LINGO3: variants seen among roughly 807,000 people sequenced by gnomAD.
LINGO3 encodes leucine-rich repeat and immunoglobulin-like domain-containing nogo receptor-interacting protein 3.
For synonymous variants in LINGO3, 427 were observed against 444.2 expected, an observed-to-expected ratio of 0.96 and a Z score of 0.49; for missense variants, 750 against 867.7, an observed-to-expected ratio of 0.86 and a Z score of 1.70.
At chr19:2,297,450 G>A in the LINGO3 span, among the ~76,000 whole-genome samples, 14 of 151,482 alleles carry the variant, frequency 9.2e-5, no homozygotes, top group Non-Finnish European at 1.8e-4. Flanking sequence ...GACTACAGGT[G>A]CCCGCCACCA....
At chr19:2,297,390 C>T in the LINGO3 span, among the ~76,000 whole-genome samples, 44 of 149,628 alleles carry the variant, frequency 2.9e-4, no homozygotes, top group South Asian at 5.6e-3. Context: ...CTGCAACCTC[C>T]GCCTCCCAGG....
chr19:2,306,490 T>C, the LINGO3 span, among the ~76,000 whole-genome samples: 1 of 152,142 alleles, frequency 6.6e-6, no homozygotes, highest in Non-Finnish European at 1.5e-5. Flanking sequence ...CTGCCTTCTA[T>C]TCCCACTCAG....
chr19:2,290,913 C>A lies in LINGO3; in HGVS notation c.864G>T (p.Gly288=), dbSNP rs2025512845. Residue 288 remains glycine, a synonymous_variant, in exon 1 of 1, where the codon GGG becomes GGT. Coordinates refer to ENST00000585527, the Ensembl canonical transcript of LINGO3. This position sits in a 1 kb window ranked among gnomAD's most constrained non-coding sequence, Gnocchi z 6.0. ...GCAGGCGGACCAGGTCCCGGAACGA[C>A]CCCCGCGGCACCGTGCTGATGGGGT... 6.2e-6 allele frequency: 10 copies of A among 1,611,310 alleles called. No homozygotes were observed. The highest frequency in any genetic ancestry group is 1.3e-5 in the African/African-American group (1 of 74,866).
chr19:2,306,758 T>G, the LINGO3 span, among the ~76,000 whole-genome samples: 1 of 151,936 alleles, frequency 6.6e-6, no homozygotes, highest in African/African-American at 2.4e-5. Context: ...TAAGCCCCCA[T>G]CCCACCGCCC....
At chr19:2,295,367 G>A (rs1037426933), upstream of LINGO3, among the ~76,000 whole-genome samples, 3 of 152,052 alleles carry the variant, frequency 2.0e-5, no homozygotes, top group East Asian at 3.9e-4. Flanking sequence ...AGTCAGAAAG[G>A]GTCTCCCCAA....
the LINGO3 span, among the ~76,000 whole-genome samples, chr19:2,298,731 G>A: frequency 6.6e-6 from 1 of 151,780 alleles, no homozygotes; most frequent in East Asian, 1.9e-4. Context: ...AGTAGAGATG[G>A]GATTTCACCA....
At chr19:2,292,353 G>A (rs926553812), upstream of LINGO3, among the ~76,000 whole-genome samples, 3 of 137,216 alleles carry the variant, frequency 2.2e-5, no homozygotes, top group Non-Finnish European at 4.6e-5. Context: ...AGCTGTGATC[G>A]TGCCACTGCA....
At chr19:2,291,685 C>G in exon 1 of LINGO3, 1 of 1,342,756 alleles carries the variant, frequency 7.4e-7, no homozygotes, top group Non-Finnish European at 9.5e-7. Flanking sequence ...CTGCACGGTG[C>G]ACTCGCAGCG....
At chr19:2,296,011 GCATGCCCCCCCCAACCCCGGAAT>G (rs900144945), upstream of LINGO3, among the ~76,000 whole-genome samples, 3 of 152,102 alleles carry the variant, frequency 2.0e-5, no homozygotes, top group Non-Finnish European at 4.4e-5. Flanking sequence ...GAGAGAGGGG[GCATGCCCCCCCCAACCCCGGAAT>G]CATCCTTAAT....
chr19:2,304,745 T>A, the LINGO3 span, among the ~76,000 whole-genome samples: 3 of 114,864 alleles, frequency 2.6e-5, no homozygotes, highest in South Asian at 6.0e-4. Context: ...TGAGACAGAG[T>A]CTCGCTCTGT....
chr19:2,296,930 A>T (rs1368246326), upstream of LINGO3, among the ~76,000 whole-genome samples: 20 of 151,676 alleles, frequency 1.3e-4, no homozygotes, highest in East Asian at 3.6e-3. Flanking sequence ...CTACTAAAAA[A>T]ACATACAAAA....
At chr19:2,291,843 G>GGCAGCGTTA in exon 1 of LINGO3, 1 of 1,363,010 alleles carries the variant, frequency 7.3e-7, no homozygotes, top group Non-Finnish European at 9.9e-7. Context: ...GCGGGGAGCG[G>GGCAGCGTTA]GCAGCGTTAG....
the LINGO3 span, among the ~76,000 whole-genome samples, chr19:2,304,035 C>T: frequency 1.3e-5 from 2 of 152,180 alleles, no homozygotes; most frequent in East Asian, 1.9e-4. Context: ...AGGTTCCTTC[C>T]GGGGAAGTCT....
In LINGO3 at chr19:2,290,312, CG is replaced by C; in HGVS notation, c.1464del (p.Asn488LysfsTer8). On this transcript the variant is annotated frameshift_variant, in exon 1 of 1. Coordinates refer to ENST00000585527, the Ensembl canonical transcript of LINGO3. LOFTEE classifies it low-confidence loss of function (END_TRUNC). This position sits in a 1 kb window ranked among gnomAD's most constrained non-coding sequence, Gnocchi z 6.0. ...ACGGTCAGCGTGGCGAAGTAGGTGT[CG>C]TTGCCGCCCGCGTTGCTGGCCACGC... is the stretch of plus-strand genomic sequence containing the variant. 12 of 1,563,882 alleles carry C rather than the reference CG, an allele frequency of 7.7e-6. No homozygotes were observed. The highest frequency in any genetic ancestry group is 1.0e-5 in the Non-Finnish European group (12 of 1,161,568).
exon 1 of LINGO3, chr19:2,289,967 A>C: frequency 2.1e-6 from 3 of 1,403,416 alleles, no homozygotes; most frequent in Non-Finnish European, 2.9e-6. Flanking sequence ...CCCGCGGGGG[A>C]GGGGAGGGGA....
At chr19:2,296,644 A>G (rs1217423947), upstream of LINGO3, among the ~76,000 whole-genome samples, 1 of 151,832 alleles carries the variant, frequency 6.6e-6, no homozygotes, top group Non-Finnish European at 1.5e-5. Context: ...ACACCCGGCT[A>G]ATTTTTGTAT....
the LINGO3 span, among the ~76,000 whole-genome samples, chr19:2,308,028 C>A: frequency 6.6e-6 from 1 of 151,274 alleles, no homozygotes; most frequent in Non-Finnish European, 1.5e-5. Context: ...TGAGGGGTCC[C>A]CAGGTCTGCG....
exon 1 of LINGO3, chr19:2,291,656 T>C (rs2025524673): frequency 1.4e-6 from 2 of 1,401,450 alleles, no homozygotes; most frequent in African/African-American, 3.1e-5. Flanking sequence ...CGGCGGCGCG[T>C]GCAGGCCACC....
At chr19:2,296,336 C>T (rs755927879), upstream of LINGO3, among the ~76,000 whole-genome samples, 7 of 152,144 alleles carry the variant, frequency 4.6e-5, no homozygotes, top group East Asian at 1.9e-4. Flanking sequence ...GCCCACAGGC[C>T]GGGCGCGGTG....
Sources: gnomAD v4.1 joint callset for allele counts (sites outside exome capture counted in the v4.1 genomes callset) on GRCh38, gnomAD v4.1.1 for gene constraint, Gnocchi (gnomAD v3.1) non-coding constraint, MANE v1.5 for transcripts, NCBI Gene and HGNC (gene_info 2026-07-23, HGNC 2026-07-21) for gene names.